Variants in CARMIL1 observed in about 807,000 individuals in gnomAD.
The protein encoded by CARMIL1 is F-actin-uncapping protein LRRC16A.
CARMIL1 carries 90 observed loss-of-function variants against 177.1 expected under a neutral mutation model. The observed-to-expected ratio is 0.51, with a 90% CI of 0.43 to 0.61. The LOEUF (loss-of-function observed/expected upper bound fraction) is 0.61. CARMIL1 is among the 20% of genes least tolerant of loss of function. The pLI, the probability that CARMIL1 is intolerant of heterozygous loss-of-function variation, is 0.00. For missense variants in CARMIL1, 1,380 were observed against 1,667.0 expected (o/e 0.83, Z 3.00); for synonymous variants, 577 against 606.2 (o/e 0.95, Z 0.71).
intron 23 of CARMIL1, among the ~76,000 whole-genome samples, chr6:25,526,035 C>T (rs1024366274): frequency 7.9e-5 from 12 of 151,650 alleles, no homozygotes; most frequent in Non-Finnish European, 1.0e-4. Flanking sequence ...CAGGGCCGGG[C>T]GTGGTGGTTA....
chr6:25,552,723 T>A (rs2151169802), intron 27 of CARMIL1, among the ~76,000 whole-genome samples: 1 of 152,294 alleles, frequency 6.6e-6, no homozygotes, highest in Middle Eastern at 3.4e-3. Flanking sequence ...TGCTACAATT[T>A]GAAATAGATG....
In CARMIL1 at chr6:25,509,691, C is replaced by T; in HGVS notation, c.1431C>T (p.Cys477=). 2 of 1,603,836 alleles carry T rather than the reference C, an allele frequency of 1.2e-6. No homozygotes were observed. The highest frequency in any genetic ancestry group is 1.7e-6 in the Non-Finnish European group (2 of 1,174,768). ...GAGGTGCTCAAGTATTAGAAGGTTGCATTGCTGAAATACACAACATCACCA... is the reference window on the plus strand; with the variant it reads ...GAGGTGCTCAAGTATTAGAAGGTTGTATTGCTGAAATACACAACATCACCA... ...RSGGAQVLEG[C]IAEIHNITSL... is the part of the protein sequence containing the mutation. The change falls in exon 18 of 37, where the codon TGC becomes TGT. Residue 477 remains cysteine (C), a synonymous_variant. Transcript: ENST00000329474. The surrounding 1 kb of genome is among the most constrained non-coding windows in gnomAD (Gnocchi z 4.1).
intron 26 of CARMIL1, among the ~76,000 whole-genome samples, chr6:25,542,719 C>T (rs554947241): frequency 6.6e-6 from 1 of 152,214 alleles, no homozygotes; most frequent in East Asian, 1.9e-4. Context: ...GTGCACATTT[C>T]ATTTTTGATA....
intron 17 of CARMIL1, among the ~76,000 whole-genome samples, chr6:25,501,992 T>TAAAA (rs34408599): frequency 6.9e-4 from 67 of 97,240 alleles, no homozygotes; most frequent in South Asian, 3.2e-3. Flanking sequence ...AGACATATTG[T>TAAAA]AAAAAAAAAA....
chr6:25,477,200 G>A (rs1241334768), intron 11 of CARMIL1, among the ~76,000 whole-genome samples: 1 of 151,872 alleles, frequency 6.6e-6, no homozygotes, highest in Non-Finnish European at 1.5e-5. Context: ...AATGGAATGT[G>A]GTTTTGTACC....
At chr6:25,549,940 A>C (rs1809909061) in intron 26 of CARMIL1, among the ~76,000 whole-genome samples, 1 of 152,220 alleles carries the variant, frequency 6.6e-6, no homozygotes, top group Admixed American at 6.5e-5. Flanking sequence ...TTAGACATGT[A>C]ATATTATTTA....
intron 2 of CARMIL1, among the ~76,000 whole-genome samples, chr6:25,311,239 G>C (rs1290594630): frequency 6.6e-6 from 1 of 152,076 alleles, no homozygotes; most frequent in Non-Finnish European, 1.5e-5. Context: ...AGTACCTTTA[G>C]TTTTTCCAAA....
At chr6:25,354,787 G>A (rs191697641) in intron 2 of CARMIL1, among the ~76,000 whole-genome samples, 7 of 152,266 alleles carry the variant, frequency 4.6e-5, no homozygotes, top group Non-Finnish European at 7.4e-5. Context: ...AACGTTTCTG[G>A]TGACATAATC....
At chr6:25,442,468 ATGTG>A (rs5875041) in intron 5 of CARMIL1, among the ~76,000 whole-genome samples, 1 of 148,870 alleles carries the variant, frequency 6.7e-6, no homozygotes, top group African/African-American at 2.5e-5. Context: ...GTGTGTGTGT[ATGTG>A]TGTGTGTGTG....
At chr6:25,377,510 G>A (rs1562055636) in intron 2 of CARMIL1, among the ~76,000 whole-genome samples, 1 of 152,190 alleles carries the variant, frequency 6.6e-6, no homozygotes, top group Non-Finnish European at 1.5e-5. Context: ...ACTCCAGGGT[G>A]GTGCTGGGGG....
intron 8 of CARMIL1, among the ~76,000 whole-genome samples, chr6:25,455,495 A>T (rs1302989646): frequency 6.6e-6 from 1 of 152,130 alleles, no homozygotes. Flanking sequence ...TTTTTAAGGG[A>T]TGGTGAGTGA....
chr6:25,305,571 C>T (rs1027115522), intron 2 of CARMIL1, among the ~76,000 whole-genome samples: 54 of 152,230 alleles, frequency 3.5e-4, no homozygotes, highest in African/African-American at 1.3e-3. Flanking sequence ...ACTCTTCCTT[C>T]TCTAATATGG....
intron 36 of CARMIL1, among the ~76,000 whole-genome samples, chr6:25,618,161 T>C (rs923070414): frequency 5.9e-5 from 9 of 152,188 alleles, no homozygotes; most frequent in African/African-American, 2.2e-4. Context: ...GCAGGAGAAG[T>C]ACTCTATTAG....
intron 28 of CARMIL1, among the ~76,000 whole-genome samples, chr6:25,555,749 A>G (rs1338857924): frequency 2.0e-5 from 3 of 152,174 alleles, no homozygotes; most frequent in Admixed American, 6.5e-5. Flanking sequence ...TTGATAACCC[A>G]TGGCTCCAGG....
chr6:25,350,323 A>G (rs139543582), intron 2 of CARMIL1, among the ~76,000 whole-genome samples: 7 of 152,208 alleles, frequency 4.6e-5, no homozygotes, highest in African/African-American at 1.7e-4. Context: ...GTTTACCTGT[A>G]TGTGGTTATC....
intron 2 of CARMIL1, among the ~76,000 whole-genome samples, chr6:25,338,341 T>G (rs1051316389): frequency 6.6e-6 from 1 of 152,210 alleles, no homozygotes; most frequent in African/African-American, 2.4e-5. Context: ...TCATTAATGT[T>G]ACAGGCGTAC....
Position 25,509,816 on chromosome 6 carries a change from A to T in CARMIL1, c.1477+79A>T. The T allele has an allele frequency of 1.0e-6, 1 of 971,262 alleles. No homozygotes were observed. Among genetic ancestry groups the T allele is most frequent in the Non-Finnish European group, 1.6e-6 (1 of 644,124 alleles). 60.2% of individuals were successfully genotyped at this position (971,262 alleles called of 1,614,324 possible). A position where few individuals can be genotyped will look rare whatever the true frequency, so the allele number is the denominator to read the frequency against. On this transcript the variant is annotated intron_variant, in intron 18 of 36. Transcript: ENST00000329474. This position sits in a 1 kb window ranked among gnomAD's most constrained non-coding sequence, Gnocchi z 4.1. ...ATAAGGGGAAAATAATCTTCTACCC[A>T]AATCCAAACAATAGCTTAATAAAAA... is the stretch of plus-strand genomic sequence containing the variant.
chr6:25,418,908 C>T (rs12529915), intron 2 of CARMIL1, among the ~76,000 whole-genome samples: 19,781 of 152,240 alleles, frequency 0.13, 1,672 homozygotes, highest in East Asian at 0.3. Context: ...CTTCTCTTCT[C>T]ATCTGTCTCA....
intron 2 of CARMIL1, chr6:25,393,339 T>G (rs1793061757): frequency 6.6e-6 from 1 of 152,002 alleles, no homozygotes; most frequent in Admixed American, 6.6e-5. Flanking sequence ...GGCAGATCAC[T>G]TGAGGTCGGG....
Sources: gnomAD v4.1 joint callset for allele counts (sites outside exome capture counted in the v4.1 genomes callset) on GRCh38, gnomAD v4.1.1 for gene constraint, Gnocchi (gnomAD v3.1) non-coding constraint, MANE v1.5 for transcripts, NCBI Gene and HGNC (gene_info 2026-07-23, HGNC 2026-07-21) for gene names.